Variants in ULK4 observed in about 807,000 individuals in gnomAD.
ULK4 encodes inactive serine/threonine-protein kinase ULK4.
In ULK4, 133 loss-of-function variants were observed where a neutral mutation model predicts 160.6. The observed-to-expected ratio is 0.83, with a 90% CI of 0.72 to 0.96. The LOEUF (loss-of-function observed/expected upper bound fraction) is 0.96. Ranked by LOEUF, ULK4 falls within the 40% of genes least tolerant of loss-of-function variation. ULK4 has a pLI of 0.00. For synonymous variants in ULK4, 534 were observed against 539.8 expected, an observed-to-expected ratio of 0.99 and a Z score of 0.15; for missense variants, 1,580 against 1,499.5, an observed-to-expected ratio of 1.05 and a Z score of -0.89.
At chr3:41,604,038 G>A (rs2032249499) in intron 31 of ULK4, among the ~76,000 whole-genome samples, 1 of 151,998 alleles carries the variant, frequency 6.6e-6, no homozygotes, top group South Asian at 2.1e-4. Flanking sequence ...GACTACTTTA[G>A]ATGAAATAGA....
chr3:41,459,157 T>C (rs1453310726), intron 33 of ULK4, among the ~76,000 whole-genome samples: 1 of 152,158 alleles, frequency 6.6e-6, no homozygotes, highest in Non-Finnish European at 1.5e-5. Flanking sequence ...GTTCAAATGA[T>C]TCTCCTGCTT....
intron 22 of ULK4, among the ~76,000 whole-genome samples, chr3:41,749,391 G>A (rs1447807287): frequency 5.9e-5 from 9 of 152,144 alleles, no homozygotes. Flanking sequence ...GCTGAGGCAG[G>A]AGAATCACTT....
At chr3:41,365,526 C>T (rs570683909) in intron 35 of ULK4, among the ~76,000 whole-genome samples, 1 of 152,320 alleles carries the variant, frequency 6.6e-6, no homozygotes, top group East Asian at 1.9e-4. Context: ...GTTTCAAGCA[C>T]TTATGCTCCA....
intron 35 of ULK4, among the ~76,000 whole-genome samples, chr3:41,394,819 G>A (rs963567844): frequency 1.3e-5 from 2 of 152,072 alleles, no homozygotes; most frequent in African/African-American, 4.8e-5. Context: ...GCCCAACACT[G>A]ACTGACCCAG....
chr3:41,862,741 C>T (rs189945204), intron 17 of ULK4, among the ~76,000 whole-genome samples: 322 of 152,072 alleles, frequency 2.1e-3, no homozygotes, highest in African/African-American at 7.2e-3. Flanking sequence ...TACTTTCTCC[C>T]GAACATACAG....
At chr3:41,853,967 G>A (rs1259016451) in intron 17 of ULK4, 1 of 152,136 alleles carries the variant, frequency 6.6e-6, no homozygotes, top group Non-Finnish European at 1.5e-5. Flanking sequence ...CATTAAACAT[G>A]TATACTTAGC....
chr3:41,846,020 C>A (rs534445206), intron 17 of ULK4, among the ~76,000 whole-genome samples: 22 of 152,190 alleles, frequency 1.4e-4, no homozygotes, highest in African/African-American at 4.8e-4. Context: ...TGCTACAGAC[C>A]CTTAAAGTGA....
chr3:41,409,886 T>C (rs1559579445), intron 34 of ULK4, among the ~76,000 whole-genome samples: 2 of 151,516 alleles, frequency 1.3e-5, no homozygotes, highest in Admixed American at 6.6e-5. Context: ...GAGGCAGAGG[T>C]TGCAGTGAGC....
rs138965644 is a variant in ULK4, at chr3:41,799,512, T to C, written c.2010+620A>G. ...GAAAAGTCAGGGAACACTAAAAATA[T>C]AACAAACCAAACCCTGTACCCTATA... On this transcript the variant is annotated intron_variant, in intron 20 of 36. Transcript: ENST00000301831. Among the ~76,000 whole-genome samples, 5 of 152,222 alleles carry C rather than the reference T, an allele frequency of 3.3e-5. No homozygotes were observed. In the East Asian group the frequency reaches 9.6e-4, roughly 29 times the overall value.
intron 18 of ULK4, among the ~76,000 whole-genome samples, chr3:41,835,301 G>C (rs2041721286): frequency 6.6e-6 from 1 of 152,124 alleles, no homozygotes; most frequent in South Asian, 2.1e-4. Flanking sequence ...GACACTAAAT[G>C]ACTAATTCAT....
At chr3:41,536,030 A>G (rs1485806641) in intron 32 of ULK4, among the ~76,000 whole-genome samples, 7 of 152,186 alleles carry the variant, frequency 4.6e-5, no homozygotes, top group Admixed American at 4.6e-4. Flanking sequence ...CCTGCAGTCT[A>G]AACAGCAAGA....
intron 35 of ULK4, among the ~76,000 whole-genome samples, chr3:41,395,147 A>G (rs1344490133): frequency 6.6e-6 from 1 of 151,510 alleles, no homozygotes; most frequent in Non-Finnish European, 1.5e-5. Flanking sequence ...TGCAGCAGTA[A>G]TACAACATGA....
chr3:41,466,311 T>C (rs2083833227), intron 32 of ULK4, among the ~76,000 whole-genome samples: 1 of 152,184 alleles, frequency 6.6e-6, no homozygotes, highest in African/African-American at 2.4e-5. Flanking sequence ...TAAACGGAGA[T>C]AGTAAGTATC....
intron 35 of ULK4, among the ~76,000 whole-genome samples, chr3:41,256,662 G>A (rs2078840491): frequency 6.6e-6 from 1 of 152,122 alleles, no homozygotes; most frequent in South Asian, 2.1e-4. Flanking sequence ...GAAATTCTGT[G>A]ACCTTAGATT....
chr3:41,830,345 G>A (rs2041534823), intron 18 of ULK4, among the ~76,000 whole-genome samples: 1 of 151,854 alleles, frequency 6.6e-6, no homozygotes, highest in African/African-American at 2.4e-5. Context: ...TCTACTTTTA[G>A]ATCTAGTAGG....
intron 30 of ULK4, among the ~76,000 whole-genome samples, chr3:41,657,785 C>G (rs1299167596): frequency 1.4e-5 from 2 of 138,084 alleles, no homozygotes; most frequent in African/African-American, 5.9e-5. Context: ...CACTGCACTG[C>G]AGCCTAGGTG....
At chr3:41,739,661 T>C (rs2038177130) in intron 22 of ULK4, among the ~76,000 whole-genome samples, 1 of 151,866 alleles carries the variant, frequency 6.6e-6, no homozygotes, top group Admixed American at 6.6e-5. Flanking sequence ...GCATGTTCAC[T>C]AACAGGCATC....
chr3:41,639,206 C>T (rs563309896), intron 30 of ULK4, among the ~76,000 whole-genome samples: 2 of 152,180 alleles, frequency 1.3e-5, no homozygotes, highest in Non-Finnish European at 2.9e-5. Flanking sequence ...GTATGATACA[C>T]AGAGAGACCC....
At chr3:41,466,087 CA>C (rs2083826631) in intron 32 of ULK4, among the ~76,000 whole-genome samples, 3 of 152,072 alleles carry the variant, frequency 2.0e-5, no homozygotes, top group Admixed American at 6.6e-5. Context: ...TTTGTATGCT[CA>C]ATATGTCCTA....
Sources: allele counts gnomAD v4.1 joint callset (sites outside exome capture counted in the v4.1 genomes callset), GRCh38; gene constraint gnomAD v4.1.1; transcripts MANE v1.5; gene names NCBI Gene and HGNC (gene_info 2026-07-23, HGNC 2026-07-21).